WDR17: variants seen among roughly 807,000 people sequenced by gnomAD.
WDR17 encodes WD repeat domain 17, also known as WD repeat-containing protein 17.
In WDR17, 143 loss-of-function variants were observed where a neutral mutation model predicts 161.7. The ratio of observed to expected loss-of-function variants is 0.88; its 90% confidence interval spans 0.77 to 1.02. The LOEUF (loss-of-function observed/expected upper bound fraction) is 1.02. Among genes scored for constraint, WDR17 ranks in the 50% least tolerant of loss-of-function variants. The pLI is 0.00. For missense variants in WDR17, 1,469 were observed against 1,520.9 expected, an observed-to-expected ratio of 0.97 and a Z score of 0.57; for synonymous variants, 517 against 515.6, an observed-to-expected ratio of 1.00 and a Z score of -0.04.
chr4:176,096,579 A>G (rs752096305), intron 1 of WDR17: 4 of 1,595,048 alleles, frequency 2.5e-6, no homozygotes, highest in South Asian at 1.1e-5. Flanking sequence ...ATGAAGGACT[A>G]CAAAGAGTAA....
intron 1 of WDR17, among the ~76,000 whole-genome samples, chr4:176,084,578 T>C (rs892142019): frequency 2.0e-5 from 3 of 151,762 alleles, no homozygotes; most frequent in Non-Finnish European, 4.4e-5. Context: ...TATTGTCCTA[T>C]ATGTCAATGT....
At chr4:176,128,932 T>G in intron 6 of WDR17, 72 bp downstream of exon 6, 3 of 1,350,374 alleles carry the variant, frequency 2.2e-6, no homozygotes, top group Non-Finnish European at 3.0e-6. Context: ...AATGGTATAG[T>G]GAGATATCAA....
chr4:176,079,271 C>T (rs761673120), intron 1 of WDR17, among the ~76,000 whole-genome samples: 6 of 152,056 alleles, frequency 3.9e-5, no homozygotes, highest in Non-Finnish European at 7.4e-5. Flanking sequence ...CATTCATCTG[C>T]TGATGGACTT....
Position 176,172,521 on chromosome 4 carries a change from G to C in WDR17, c.3244+5G>C. ...TTGGTATTAGCTTTGTTAAAGGTAAGTAATTAGTTGGTAGTAGAATTTTAA... is the reference window on the plus strand; with the variant it reads ...TTGGTATTAGCTTTGTTAAAGGTAACTAATTAGTTGGTAGTAGAATTTTAA... On this transcript the variant is annotated splice_donor_5th_base_variant and intron_variant, in intron 24 of 28. Coordinates refer to ENST00000508596, the MANE Select transcript of WDR17 (RefSeq NM_181265.4). 6.3e-7 allele frequency: 1 copy of C among 1,575,798 alleles called. No individual in the cohort carries two copies. The highest frequency in any genetic ancestry group is 8.6e-7 in the Non-Finnish European group (1 of 1,168,082).
At chr4:176,120,312 AT>A (rs1561130210) in intron 4 of WDR17, among the ~76,000 whole-genome samples, 1 of 148,020 alleles carries the variant, frequency 6.8e-6, no homozygotes, top group East Asian at 1.9e-4. Flanking sequence ...ATATATATAT[AT>A]ATATATAATA....
chr4:176,067,531 C>T (rs541423955), intron 1 of WDR17, among the ~76,000 whole-genome samples: 1 of 152,328 alleles, frequency 6.6e-6, no homozygotes, highest in East Asian at 1.9e-4. Context: ...AAACTGTGGA[C>T]ATCTGAAGAA....
intron 2 of WDR17, among the ~76,000 whole-genome samples, chr4:176,113,622 T>C (rs961536641): frequency 5.9e-5 from 9 of 152,040 alleles, no homozygotes; most frequent in Admixed American, 2.0e-4. Context: ...TGTTAATAAG[T>C]AGTGTTTTAA....
Position 176,106,828 on chromosome 4 carries a change from A to G in WDR17, c.-6-4747A>G, listed in dbSNP as rs185730948. On this transcript the variant is annotated intron_variant, in intron 1 of 28. Coordinates refer to ENST00000508596, the MANE Select transcript of WDR17 (RefSeq NM_181265.4). ...TAGCCAGGCATGATGGCGCATGCCT[A>G]TAGGCCTAGCTACTTGGGAGTCTGA... is the stretch of plus-strand genomic sequence containing the variant. 9.2e-4 allele frequency among the ~76,000 whole-genome samples: 140 copies of G among 152,206 alleles called. 1 individual carries two copies. Among genetic ancestry groups the G allele is most frequent in the Non-Finnish European group, 1.6e-3 (110 of 67,996 alleles).
At position 176,155,545 on chromosome 4, in the gene WDR17, G is replaced by GTTTTTTTTTTTTTTTTT. The variant is rs869207103; in HGVS notation, c.2461-518_2461-517insTTTTTTTTTTTTTTTTT. ...TTTGTTTTTTTGTTTATTTGTTTGT[G>GTTTTTTTTTTTTTTTTT]TTTTTTTTTTTTTTTTGGAGACGAA... On this transcript the variant is annotated intron_variant, in intron 17 of 28. Coordinates refer to ENST00000508596, the MANE Select transcript of WDR17 (RefSeq NM_181265.4). Among the ~76,000 whole-genome samples, 47 of 105,224 alleles carry GTTTTTTTTTTTTTTTTT rather than the reference G, an allele frequency of 4.5e-4. 2 individuals carry two copies. The highest frequency in any genetic ancestry group is 9.7e-4 in the South Asian group (3 of 3,088). The allele number at this position is 105,224 out of a possible 152,430, so 69.0% of individuals were successfully genotyped here.
At chr4:176,107,946 A>AT (rs917609763) in intron 1 of WDR17, among the ~76,000 whole-genome samples, 4 of 72,508 alleles carry the variant, frequency 5.5e-5, no homozygotes, top group African/African-American at 2.1e-4. Flanking sequence ...TTCCTTCCTT[A>AT]TTTTTTTCCC....
At position 176,173,350 on chromosome 4, in the gene WDR17, C is replaced by A. The variant is rs1471422559; in HGVS notation, c.3328C>A (p.Leu1110Ile). Reference sequence around the variant, plus strand: ...GAGCTATATTCGTACTGAAAAATTACTCTTGCATACGTGTACTGAGTGAGT... The same window carrying A: ...GAGCTATATTCGTACTGAAAAATTAATCTTGCATACGTGTACTGAGTGAGT... ...LLSYIRTEKL[L>I]LHTCTEARNE... Residue 1110 changes from leucine to isoleucine, a missense_variant, in exon 25 of 29, where the codon CTC becomes ATC. By Grantham distance (5) the Leu-to-Ile change is conservative (BLOSUM62 2). Coordinates refer to ENST00000508596, the MANE Select transcript of WDR17 (RefSeq NM_181265.4). The A allele has an allele frequency of 1.2e-6, 2 of 1,611,774 alleles. No homozygotes were observed. Among genetic ancestry groups the A allele is most frequent in the Non-Finnish European group, 1.7e-6 (2 of 1,178,748 alleles).
chr4:176,071,086 G>C (rs1162962989), intron 1 of WDR17, among the ~76,000 whole-genome samples: 2 of 149,966 alleles, frequency 1.3e-5, no homozygotes, highest in Non-Finnish European at 3.0e-5. Flanking sequence ...AGGGTCCTGG[G>C]GATTACATAG....
chr4:176,115,799 G>T lies in WDR17; in HGVS notation c.127G>T (p.Asp43Tyr). 6.3e-7 allele frequency: 1 copy of T among 1,588,830 alleles called. No individual in the cohort carries two copies. The highest frequency in any genetic ancestry group is 1.2e-5 in the South Asian group (1 of 84,940). The change falls in exon 3 of 29, where the codon GAT becomes TAT. Residue 43 changes from aspartate to tyrosine, a missense_variant. Transcript: ENST00000508596. ...ATLAIYIYQL[D>Y]HRYNEFKLHA... ...TTATTTATATATTTTGTTTTAGTTG[G>T]ATCACCGTTATAATGAATTCAAACT...
Position 176,174,689 on chromosome 4 carries a change from C to T in WDR17, c.3420C>T (p.Ser1140=). ...ALLAIRRQYQ[S]IVPALYEYTS... Reference sequence around the variant, plus strand: ...TGGCTATCAGAAGACAGTACCAAAGCATTGTTCCAGCACTTTATGAGTACA... The same window carrying T: ...TGGCTATCAGAAGACAGTACCAAAGTATTGTTCCAGCACTTTATGAGTACA... The change falls in exon 26 of 29, where the codon AGC becomes AGT. Residue 1140 remains serine (S), a synonymous_variant. Transcript: ENST00000508596. 2 of 1,611,620 alleles carry T rather than the reference C, an allele frequency of 1.2e-6. No individual in the cohort carries two copies. The highest frequency in any genetic ancestry group is 2.2e-5 in the South Asian group (2 of 90,768).
intron 1 of WDR17, among the ~76,000 whole-genome samples, chr4:176,090,488 C>T (rs563979887): frequency 1.3e-5 from 2 of 152,130 alleles, no homozygotes; most frequent in African/African-American, 4.8e-5. Flanking sequence ...GCAAGACAAA[C>T]AGATGAAGAC....
intron 11 of WDR17, 63 bp from the exon 12 acceptor site, chr4:176,145,932 C>A: frequency 7.0e-7 from 1 of 1,421,568 alleles, no homozygotes; most frequent in Middle Eastern, 1.9e-4. Flanking sequence ...CTATGGTATA[C>A]CTTTAATTAT....
At chr4:176,126,845 GTTT>G (rs1742528162) in intron 5 of WDR17, among the ~76,000 whole-genome samples, 1 of 152,120 alleles carries the variant, frequency 6.6e-6, no homozygotes, top group African/African-American at 2.4e-5. Flanking sequence ...AGATCTGATG[GTTT>G]TATAAGTGTC....
Position 176,120,288 on chromosome 4 carries a change from T to TTATATATATA in WDR17, c.538+214_538+223dup, listed in dbSNP as rs33940735. On this transcript the variant is annotated intron_variant, in intron 4 of 28. Transcript: ENST00000508596. Reference sequence around the variant, plus strand: ...TGAGTCTAAATATTCATTTGAAGTTTTATATATATATATATATATATATAT... The same window carrying TTATATATATA: ...TGAGTCTAAATATTCATTTGAAGTTTTATATATATATATATATATATATATATATATATAT... Among the ~76,000 whole-genome samples, 389 of 136,478 alleles carry TTATATATATA rather than the reference T, an allele frequency of 2.9e-3. 1 individual carries two copies. Among genetic ancestry groups the TTATATATATA allele is most frequent in the African/African-American group, 6.6e-3 (241 of 36,258 alleles). 89.5% of individuals were successfully genotyped at this position (136,478 alleles called of 152,430 possible).
chr4:176,175,380 G>A (rs563340374), intron 26 of WDR17, among the ~76,000 whole-genome samples: 7 of 152,228 alleles, frequency 4.6e-5, no homozygotes, highest in African/African-American at 1.7e-4. Flanking sequence ...ATAACAACTT[G>A]TTTAACTTCA....
Sources: gnomAD v4.1 joint callset for allele counts (sites outside exome capture counted in the v4.1 genomes callset) on GRCh38, gnomAD v4.1.1 for gene constraint, MANE v1.5 for transcripts, NCBI Gene and HGNC (gene_info 2026-07-23, HGNC 2026-07-21) for gene names.